HIVEP1: variants seen among roughly 807,000 people sequenced by gnomAD.
HIVEP1 encodes the protein HIVEP zinc finger 1.
Under a neutral mutation model 180.0 loss-of-function variants are expected in HIVEP1, and 36 were observed. The ratio of observed to expected loss-of-function variants is 0.20; its 90% CI spans 0.15 to 0.26. The LOEUF (loss-of-function observed/expected upper bound fraction) is 0.26. HIVEP1 is among the 10% of genes least tolerant of loss of function. The pLI, the probability that HIVEP1 is intolerant of heterozygous loss-of-function variation, is 1.00. For missense variants in HIVEP1, 3,143 were observed against 3,268.7 expected (o/e 0.96, Z 0.94); for synonymous variants, 1,239 against 1,239.0 (o/e 1.00, Z 0.00).
rs2113529756 is a variant in HIVEP1, at chr6:12,123,942, C to T, written c.4147C>T (p.Leu1383Phe). The change falls in exon 4 of 9, where the codon CTC becomes TTC. Residue 1383 changes from leucine (L) to phenylalanine (F), a missense_variant. By Grantham distance (22) the Leu-to-Phe change is conservative (BLOSUM62 0). Around this residue, in one of 12 missense-constraint regions of HIVEP1, gnomAD observed 1,357 missense variants for 1,260.5 expected, o/e 1.08. Coordinates refer to ENST00000379388, the MANE Select transcript of HIVEP1 (RefSeq NM_002114.4). ...CTQTSMEVSD[L>F]RSKSFDCGSI... ...GCAAACGTCAATGGAGGTCTCTGAT[C>T]TCAGAAGCAAATCATTCGATTGTGG... 1 of 1,614,110 alleles carries T rather than the reference C, an allele frequency of 6.2e-7. No homozygotes were observed. The highest frequency in any genetic ancestry group is 2.2e-5 in the East Asian group (1 of 44,884).
chr6:12,169,129 C>T (rs219961), downstream of HIVEP1, among the ~76,000 whole-genome samples: 4,120 of 152,188 alleles, frequency 0.027, 216 homozygotes, highest in African/African-American at 0.095. Flanking sequence ...TCAAGTGATC[C>T]GCCTGCCTCG....
In HIVEP1 at chr6:12,121,494, C is replaced by T; in HGVS notation, c.1699C>T (p.His567Tyr). 2 of 1,614,186 alleles carry T rather than the reference C, an allele frequency of 1.2e-6. No homozygotes were observed. Among genetic ancestry groups the T allele is most frequent in the Middle Eastern group, 1.6e-4 (1 of 6,062 alleles). The change falls in exon 4 of 9, where the codon CAT becomes TAT. Residue 567 changes from histidine to tyrosine, a missense_variant. By Grantham distance (83) the His-to-Tyr change is moderately conservative (BLOSUM62 2). This residue lies in a region of HIVEP1 where 365 missense variants were observed against 344.4 expected (regional missense o/e 1.06). Transcript: ENST00000379388. This position sits in a 1 kb window ranked among gnomAD's most constrained non-coding sequence, Gnocchi z 5.3. ...AGAGTTACCGAAAGTTGTGGTCCAC[C>T]ATGTCACTGTGTCCCCCTTAAGAAC... is the stretch of plus-strand genomic sequence containing the variant. ...VTELPKVVVH[H>Y]VTVSPLRTDS...
chr6:12,211,515 CATAG>C, the HIVEP1 span, among the ~76,000 whole-genome samples: 8 of 146,900 alleles, frequency 5.4e-5, no homozygotes, highest in East Asian at 1.0e-3. Context: ...ACAACATAAA[CATAG>C]ATATTTATGT....
intron 2 of HIVEP1, chr6:12,020,246 A>G: frequency 2.2e-6 from 1 of 458,218 alleles, no homozygotes; most frequent in Non-Finnish European, 4.6e-6. Context: ...TCCCATCTGC[A>G]GGAAACGTGG....
At chr6:12,104,396 TTCTCTC>T (rs70981664) in intron 3 of HIVEP1, among the ~76,000 whole-genome samples, 2 of 126,582 alleles carry the variant, frequency 1.6e-5, no homozygotes, top group African/African-American at 2.9e-5. Flanking sequence ...CTCTCTTCGT[TTCTCTC>T]TCTCTCTCTC....
chr6:12,072,053 A>G (rs1056579625), intron 2 of HIVEP1, among the ~76,000 whole-genome samples: 1 of 151,428 alleles, frequency 6.6e-6, no homozygotes, highest in Non-Finnish European at 1.5e-5. Flanking sequence ...TGTGGACCTC[A>G]TAGTCTGCAG....
At chr6:12,103,209 T>C (rs1774214072) in intron 3 of HIVEP1, among the ~76,000 whole-genome samples, 1 of 150,776 alleles carries the variant, frequency 6.6e-6, no homozygotes, top group Non-Finnish European at 1.5e-5. Flanking sequence ...ATAATAATAA[T>C]AATAATATCA....
chr6:12,175,229 T>C, the HIVEP1 span, among the ~76,000 whole-genome samples: 1 of 152,216 alleles, frequency 6.6e-6, no homozygotes, highest in Non-Finnish European at 1.5e-5. Context: ...ATAGTGCTGG[T>C]GTTTTCTAGT....
Position 12,163,774 on chromosome 6 carries a change from G to A in HIVEP1, c.7470G>A (p.Ser2490=), listed in dbSNP as rs748946958. ...LSTPGLQSLP[S]LSMETVNIVG... Reference sequence around the variant, plus strand: ...CCCCAGGCTTGCAGTCACTCCCCTCGTTAAGCATGGAAACCGTCAATATTG... The same window carrying A: ...CCCCAGGCTTGCAGTCACTCCCCTCATTAAGCATGGAAACCGTCAATATTG... Residue 2490 remains serine (S), a synonymous_variant, in exon 9 of 9, where the codon TCG becomes TCA. Coordinates refer to ENST00000379388, the MANE Select transcript of HIVEP1 (RefSeq NM_002114.4). The A allele has an allele frequency of 6.8e-6, 11 of 1,614,064 alleles. No individual in the cohort carries two copies. Among genetic ancestry groups the A allele is most frequent in the Middle Eastern group, 3.3e-4 (2 of 6,062 alleles).
intron 3 of HIVEP1, among the ~76,000 whole-genome samples, chr6:12,107,793 G>C (rs1774542656): frequency 6.6e-6 from 1 of 152,198 alleles, no homozygotes; most frequent in Non-Finnish European, 1.5e-5. Context: ...GCTGGCTCGG[G>C]CAGCCTGCTT....
At chr6:12,107,691 G>A (rs932407316) in intron 3 of HIVEP1, among the ~76,000 whole-genome samples, 7 of 152,186 alleles carry the variant, frequency 4.6e-5, no homozygotes, top group African/African-American at 1.7e-4. Context: ...AAGGCAGTGT[G>A]GACCCAAGAG....
chr6:12,051,028 A>ATG (rs1554135690), intron 2 of HIVEP1, among the ~76,000 whole-genome samples: 1 of 136,146 alleles, frequency 7.3e-6, no homozygotes, highest in Non-Finnish European at 1.5e-5. Flanking sequence ...ATATATATAT[A>ATG]TATGTATATT....
chr6:12,015,035 C>T (rs1038251250), intron 1 of HIVEP1, among the ~76,000 whole-genome samples: 1 of 152,182 alleles, frequency 6.6e-6, no homozygotes, highest in East Asian at 1.9e-4. Context: ...AGCTACAGCT[C>T]CTCACACGTT....
chr6:12,110,847 G>A (rs112931061), intron 3 of HIVEP1, among the ~76,000 whole-genome samples: 2,649 of 152,266 alleles, frequency 0.017, 36 homozygotes, highest in Non-Finnish European at 0.028. Flanking sequence ...CTTTCAACAC[G>A]CCTTCTTCAG....
chr6:12,162,130 A>T (rs1760446513), intron 8 of HIVEP1, among the ~76,000 whole-genome samples: 1 of 151,854 alleles, frequency 6.6e-6, no homozygotes, highest in Admixed American at 6.6e-5. Flanking sequence ...TAAGCAGTTC[A>T]GATATTTTAT....
downstream of HIVEP1, among the ~76,000 whole-genome samples, chr6:12,168,057 ATATATACATATATATG>A (rs1760781407): frequency 1.2e-4 from 1 of 8,016 alleles, no homozygotes; most frequent in African/African-American, 5.6e-4. Flanking sequence ...ACATATGTGT[ATATATACATATATATG>A]TGTATATATA....
Position 12,120,287 on chromosome 6 carries a change from C to G in HIVEP1, c.492C>G (p.Asp164Glu). The G allele has an allele frequency of 6.2e-7, 1 of 1,614,172 alleles. No homozygotes were observed. Among genetic ancestry groups the G allele is most frequent in the South Asian group, 1.1e-5 (1 of 91,070 alleles). Reference protein sequence around the residue: ...AKFSDLDEQCDSSSLSSKTRT... With the variant: ...AKFSDLDEQCESSSLSSKTRT... ...TCAGTGACCTCGATGAACAATGTGA[C>G]TCAAGTTCCTTGTCAAGTAAAACCA... The change falls in exon 4 of 9, where the codon GAC (aspartate) becomes GAG (glutamate). Residue 164 changes from aspartate to glutamate, a missense_variant. By Grantham distance (45) the Asp-to-Glu change is conservative. Transcript: ENST00000379388.
intron 3 of HIVEP1, among the ~76,000 whole-genome samples, chr6:12,106,926 C>A (rs757913041): frequency 2.8e-4 from 42 of 152,128 alleles, no homozygotes; most frequent in Non-Finnish European, 3.1e-4. Flanking sequence ...TTCTGTTTGA[C>A]CCCTGGGCTG....
In HIVEP1 at chr6:12,124,671, CA is replaced by C; in HGVS notation, c.4877del (p.Gln1626ArgfsTer34). Reference sequence around the variant, plus strand: ...ACCAGAGCTCAGGCCCCTTGGAAGTCAGGTGCAGAAGGTGCCATCATCATTC... The same window carrying C: ...ACCAGAGCTCAGGCCCCTTGGAAGTCGGTGCAGAAGGTGCCATCATCATTC... ...LPPELRPLGS[Q>X]VQKVPSSFML... On this transcript the variant is annotated frameshift_variant, in exon 4 of 9. Transcript: ENST00000379388. LOFTEE classifies it high-confidence loss of function. 6.2e-7 allele frequency: 1 copy of C among 1,614,138 alleles called. No individual in the cohort carries two copies. Among genetic ancestry groups the C allele is most frequent in the Non-Finnish European group, 8.5e-7 (1 of 1,179,970 alleles).
Sources: allele counts gnomAD v4.1 joint callset (sites outside exome capture counted in the v4.1 genomes callset), GRCh38; gene constraint gnomAD v4.1.1; regional missense constraint gnomAD v4.1.1; non-coding constraint Gnocchi (gnomAD v3.1); transcripts MANE v1.5; gene names NCBI Gene and HGNC (gene_info 2026-07-23, HGNC 2026-07-21).